The following SYT6 variants were observed in gnomAD, a reference collection of about 807,000 sequenced individuals.
SYT6 encodes synaptotagmin 6.
In SYT6, 24 loss-of-function variants were observed where a neutral mutation model predicts 38.4. The observed-to-expected ratio is 0.62, with a 90% CI of 0.45 to 0.88. SYT6 has a LOEUF of 0.88. Ranked by LOEUF, SYT6 falls within the 40% of genes least tolerant of loss-of-function variation. The probability of loss-of-function intolerance (pLI) is 0.00; values close to 1 mark genes in which losing one functional copy is unlikely to be tolerated. For missense variants in SYT6, 611 were observed against 621.0 expected, an observed-to-expected ratio of 0.98 and a Z score of 0.17; for synonymous variants, 265 against 241.9, an observed-to-expected ratio of 1.10 and a Z score of -0.89.
chr1:114,114,892 G>T (rs1357933664), intron 3 of SYT6, among the ~76,000 whole-genome samples: 1 of 152,202 alleles, frequency 6.6e-6, no homozygotes, highest in Non-Finnish European at 1.5e-5. Context: ...AAGGATCGAA[G>T]CCATGTGGGC....
chr1:114,095,801 C>T (rs548312533), intron 6 of SYT6, among the ~76,000 whole-genome samples: 9 of 152,226 alleles, frequency 5.9e-5, no homozygotes, highest in African/African-American at 2.2e-4. Context: ...GCTGGGACTA[C>T]AGGTGCCCGC....
At chr1:114,094,776 C>A (rs976907908) in intron 6 of SYT6, among the ~76,000 whole-genome samples, 4 of 152,158 alleles carry the variant, frequency 2.6e-5, no homozygotes, top group African/African-American at 9.7e-5. Flanking sequence ...GAGGAGATTT[C>A]TTTATGATTA....
chr1:114,106,165 G>A lies in SYT6; in HGVS notation c.1072-2444C>T, dbSNP rs531003859. ...TTCCATGTCTCACATAGGCACTGAG[G>A]TGTAAAGAGAAGCCCCTTTATTTCC... is the stretch of plus-strand genomic sequence containing the variant. On this transcript the variant is annotated intron_variant, in intron 3 of 7. Transcript: ENST00000610222. Among the ~76,000 whole-genome samples, 42 of 152,308 alleles carry A rather than the reference G, an allele frequency of 2.8e-4. 1 individual carries two copies. The South Asian group carries it at 4.1e-3, about 15-fold the overall frequency.
At chr1:114,105,824 T>C (rs1676273781) in intron 3 of SYT6, among the ~76,000 whole-genome samples, 1 of 152,016 alleles carries the variant, frequency 6.6e-6, no homozygotes, top group Admixed American at 6.5e-5. Flanking sequence ...TCTAGGAAGC[T>C]GCTCAAGGGA....
chr1:114,135,485 T>C (rs1307267067), intron 3 of SYT6, among the ~76,000 whole-genome samples: 2 of 150,450 alleles, frequency 1.3e-5, no homozygotes, highest in South Asian at 4.3e-4. Flanking sequence ...GAGGAGGAGA[T>C]GGAGGAGGGC....
rs757443809 is a variant in SYT6, at chr1:114,139,597, G to C, written c.512+18C>G. On this transcript the variant is annotated intron_variant, in intron 2 of 7. Coordinates refer to ENST00000610222, the MANE Select transcript of SYT6 (RefSeq NM_001253772.2). ...GTGGAGGTGTGGGGGTCAGGGAAGG[G>C]AGTGGTCCACTCCTCACCTGGTGGA... 3 of 1,613,766 alleles carry C rather than the reference G, an allele frequency of 1.9e-6. No individual in the cohort carries two copies. In the Admixed American group the frequency reaches 5.0e-5, roughly 27 times the overall value.
At chr1:114,143,138 G>A (rs1464704370) in intron 1 of SYT6, among the ~76,000 whole-genome samples, 1 of 149,048 alleles carries the variant, frequency 6.7e-6, no homozygotes, top group Non-Finnish European at 1.5e-5. Flanking sequence ...TCACATATAT[G>A]TATATATACA....
In SYT6 at chr1:114,153,824, G is replaced by T. The variant is rs1679574574; in HGVS notation, c.-52C>A. ...AGCAGCTCGAACCCGCGCCCCGGCC[G>T]CACTGGGGCGGGGCACGACGGCCCC... On this transcript the variant is annotated 5_prime_UTR_variant, in exon 1 of 8. Coordinates refer to ENST00000610222, the MANE Select transcript of SYT6 (RefSeq NM_001253772.2). 2 of 591,456 alleles carry T rather than the reference G, an allele frequency of 3.4e-6. No homozygotes were observed. The highest frequency in any genetic ancestry group is 3.2e-5 in the Admixed American group (1 of 31,390). The allele number at this position is 591,456 out of a possible 1,614,324, so 36.6% of individuals were successfully genotyped here.
At chr1:114,152,744 G>A (rs1268494179) in intron 1 of SYT6, 2 of 152,124 alleles carry the variant, frequency 1.3e-5, no homozygotes, top group Admixed American at 6.5e-5. Flanking sequence ...CCAGCCCGGC[G>A]GGGATCGGGC....
intron 3 of SYT6, among the ~76,000 whole-genome samples, chr1:114,136,213 T>A (rs1266740376): frequency 1.3e-5 from 2 of 152,194 alleles, no homozygotes; most frequent in African/African-American, 4.8e-5. Context: ...ACAAGATTTA[T>A]GCCCTTTGCA....
chr1:114,090,565 G>A lies in SYT6; in HGVS notation c.*1569C>T. Reference sequence around the variant, plus strand: ...TCCTCTACCATGTAGCATATATAAAGAATAAGACACAGGTGTGTGAACAGA... The same window carrying A: ...TCCTCTACCATGTAGCATATATAAAAAATAAGACACAGGTGTGTGAACAGA... On this transcript the variant is annotated 3_prime_UTR_variant, in exon 8 of 8. Coordinates refer to ENST00000610222, the MANE Select transcript of SYT6 (RefSeq NM_001253772.2). 1 of 152,358 alleles carries A rather than the reference G, an allele frequency of 6.6e-6. No individual in the cohort carries two copies. Among genetic ancestry groups the A allele is most frequent in the East Asian group, 1.9e-4 (1 of 5,340 alleles). 9.4% of individuals were successfully genotyped at this position (152,358 alleles called of 1,614,324 possible). A position where few individuals can be genotyped will look rare whatever the true frequency, so the allele number is the denominator to read the frequency against.
At chr1:114,131,750 T>C (rs1234545864) in intron 3 of SYT6, among the ~76,000 whole-genome samples, 1 of 152,114 alleles carries the variant, frequency 6.6e-6, no homozygotes, top group Non-Finnish European at 1.5e-5. Flanking sequence ...GAATAGCTAT[T>C]AAACTAAAAA....
At chr1:114,109,547 C>G (rs1314247595) in intron 3 of SYT6, among the ~76,000 whole-genome samples, 3 of 152,228 alleles carry the variant, frequency 2.0e-5, no homozygotes, top group Non-Finnish European at 4.4e-5. Flanking sequence ...GGACCCACCT[C>G]TTAGGGTTGC....
rs1464735833 is a variant in SYT6, at chr1:114,091,442, G to A, written c.*692C>T. 3 of 152,390 alleles carry A rather than the reference G, an allele frequency of 2.0e-5. No homozygotes were observed. The highest frequency in any genetic ancestry group is 7.2e-5 in the African/African-American group (3 of 41,470). 9.4% of individuals were successfully genotyped at this position (152,390 alleles called of 1,614,324 possible). ...CTGCACATCAGCTGAAGGCTCACAA[G>A]CGCCTCAGAGGTCTTGTGATTTCAA... On this transcript the variant is annotated 3_prime_UTR_variant, in exon 8 of 8. Transcript: ENST00000610222.
chr1:114,099,829 C>T (rs888905695), intron 4 of SYT6, among the ~76,000 whole-genome samples: 1 of 152,114 alleles, frequency 6.6e-6, no homozygotes, highest in African/African-American at 2.4e-5. Flanking sequence ...CACCTGACAA[C>T]ATAATTTTGG....
intron 3 of SYT6, among the ~76,000 whole-genome samples, chr1:114,118,836 G>A (rs1169310385): frequency 6.6e-6 from 1 of 152,206 alleles, no homozygotes; most frequent in Non-Finnish European, 1.5e-5. Flanking sequence ...CTTCCTCAAG[G>A]GGGCAGGGTC....
In SYT6 at chr1:114,133,843, G is replaced by C. The variant is rs146656749; in HGVS notation, c.1071+3652C>G. Among the ~76,000 whole-genome samples, 330 of 152,332 alleles carry C rather than the reference G, an allele frequency of 2.2e-3. 1 individual carries two copies. Among genetic ancestry groups the C allele is most frequent in the African/African-American group, 6.6e-3 (274 of 41,576 alleles). On this transcript the variant is annotated intron_variant, in intron 3 of 7. Transcript: ENST00000610222. ...GAGGTGAGTGTCCCTTGAGGCTTAAGATTTGCAATTAACAAAGAGCTAGAC... is the reference window on the plus strand; with the variant it reads ...GAGGTGAGTGTCCCTTGAGGCTTAACATTTGCAATTAACAAAGAGCTAGAC...
At chr1:114,149,020 C>T (rs879397593) in intron 1 of SYT6, among the ~76,000 whole-genome samples, 2 of 152,012 alleles carry the variant, frequency 1.3e-5, no homozygotes, top group Non-Finnish European at 2.9e-5. Flanking sequence ...AGGGATACTC[C>T]CACTTTTTGG....
intron 1 of SYT6, among the ~76,000 whole-genome samples, chr1:114,141,314 A>G (rs552104401): frequency 4.7e-4 from 71 of 152,256 alleles, no homozygotes; most frequent in Non-Finnish European, 9.1e-4. Flanking sequence ...ATAAGAAAGC[A>G]AAACAGTCTT....
Sources: allele counts gnomAD v4.1 joint callset (sites outside exome capture counted in the v4.1 genomes callset), GRCh38; gene constraint gnomAD v4.1.1; transcripts MANE v1.5; gene names NCBI Gene and HGNC (gene_info 2026-07-23, HGNC 2026-07-21).